The following CHD9 variants were observed in gnomAD, a reference collection of about 807,000 sequenced individuals.
CHD9 encodes ATP-dependent chromatin remodeler CHD9.
CHD9 carries 77 observed loss-of-function variants against 316.1 expected under a neutral mutation model. The ratio of observed to expected loss-of-function variants is 0.24; its 90% CI spans 0.20 to 0.29. The LOEUF is 0.29. Ranked by LOEUF, CHD9 falls within the 10% of genes least tolerant of loss-of-function variation. CHD9 has a pLI of 1.00. For synonymous variants in CHD9, 1,129 were observed against 1,158.3 expected, an observed-to-expected ratio of 0.97 and a Z score of 0.51; for missense variants, 2,763 against 3,438.1, an observed-to-expected ratio of 0.80 and a Z score of 4.91.
chr16:53,057,054 T>G (rs1009974597), intron 1 of CHD9, among the ~76,000 whole-genome samples: 1 of 152,192 alleles, frequency 6.6e-6, no homozygotes, highest in Non-Finnish European at 1.5e-5. Flanking sequence ...CTCATGCATA[T>G]AATCCCAGTA....
chr16:53,269,347 G>A (rs2051999909), intron 22 of CHD9, among the ~76,000 whole-genome samples: 1 of 152,036 alleles, frequency 6.6e-6, no homozygotes, highest in Admixed American at 6.6e-5. Context: ...CTGTTGAATG[G>A]CTGGTGTGTG....
intron 1 of CHD9, among the ~76,000 whole-genome samples, chr16:53,059,719 T>C (rs1037553943): frequency 6.6e-6 from 1 of 152,230 alleles, no homozygotes; most frequent in African/African-American, 2.4e-5. Context: ...GCAAACTTTT[T>C]CTGTAAAGGT....
rs998351330 is a variant in CHD9 at position 53,313,716 on chromosome 16, C to T, written c.7223-661C>T. Reference sequence around the variant, plus strand: ...TCCTAGCACTTTGGGAGGCCGAGGCCGAGGCCGGTGGATCACAAGGTCAGG... The same window carrying T: ...TCCTAGCACTTTGGGAGGCCGAGGCTGAGGCCGGTGGATCACAAGGTCAGG... On this transcript the variant is annotated intron_variant, in intron 34 of 38. Transcript: ENST00000447540. Among the ~76,000 whole-genome samples the T allele has an allele frequency of 9.2e-5, 14 of 151,750 alleles. No homozygotes were observed. In the East Asian group the frequency reaches 2.6e-3, roughly 28 times the overall value.
chr16:53,203,837 C>T (rs1302566555), intron 2 of CHD9, among the ~76,000 whole-genome samples: 1 of 151,568 alleles, frequency 6.6e-6, no homozygotes, highest in African/African-American at 2.4e-5. Context: ...TCCTGGCTAA[C>T]ATGGTGAAAC....
intron 2 of CHD9, 80 bp from the exon 3 acceptor site, chr16:53,209,402 T>A: frequency 9.8e-7 from 1 of 1,015,332 alleles, no homozygotes; most frequent in Non-Finnish European, 1.4e-6. Flanking sequence ...CTAAACATAA[T>A]TTAAGATTTT....
intron 2 of CHD9, among the ~76,000 whole-genome samples, chr16:53,189,937 A>G (rs1192823332): frequency 6.6e-6 from 1 of 152,114 alleles, no homozygotes; most frequent in Non-Finnish European, 1.5e-5. Context: ...TTTTGCATCT[A>G]TATTATGGGG....
intron 20 of CHD9, among the ~76,000 whole-genome samples, chr16:53,264,697 C>A (rs1009924148): frequency 1.3e-5 from 2 of 152,064 alleles, no homozygotes; most frequent in Admixed American, 1.3e-4. Flanking sequence ...GTGAAGTGAT[C>A]AAGGGAGGTC....
At chr16:53,072,941 C>T (rs151145342) in intron 1 of CHD9, among the ~76,000 whole-genome samples, 2,518 of 152,184 alleles carry the variant, frequency 0.017, 71 homozygotes, top group East Asian at 0.11. Context: ...GTGATCCACC[C>T]GCCTCGGTCT....
chr16:53,284,262 T>C (rs1489942694), intron 24 of CHD9, among the ~76,000 whole-genome samples: 1 of 152,062 alleles, frequency 6.6e-6, no homozygotes, highest in Admixed American at 6.5e-5. Context: ...GAATACCAAA[T>C]AGAGAAATTC....
rs144185167 is a variant in CHD9, at chr16:53,219,814, G to T, written c.1785-2830G>T. 2.4e-4 allele frequency among the ~76,000 whole-genome samples: 37 copies of T among 152,240 alleles called. No individual in the cohort carries two copies. In the East Asian group the frequency reaches 5.6e-3, roughly 23 times the overall value. On this transcript the variant is annotated intron_variant, in intron 3 of 38. Transcript: ENST00000447540. ...CTCAATTTCTTCTTATAAAATAATA[G>T]TACTTCCCTTTTAAAATTGTATGAA...
intron 17 of CHD9, among the ~76,000 whole-genome samples, chr16:53,252,721 T>G (rs561601749): frequency 6.8e-6 from 1 of 146,194 alleles, no homozygotes; most frequent in African/African-American, 2.5e-5. Context: ...AACAGTTCCA[T>G]CAAAAAGTGG....
At chr16:53,209,061 A>G (rs2046121150) in intron 2 of CHD9, among the ~76,000 whole-genome samples, 1 of 152,172 alleles carries the variant, frequency 6.6e-6, no homozygotes, top group Non-Finnish European at 1.5e-5. Flanking sequence ...TAAAAGCCAT[A>G]ATAAACTGTA....
In CHD9 at chr16:53,156,313, A is replaced by G. The variant is rs1212395708; in HGVS notation, c.224A>G (p.Asp75Gly). ...GATTTTGAACAGTTAAATCAATTTG[A>G]TTCAATAAAATTTCACCATGTTAAT... ...MTDFEQLNQF[D>G]SIKFHHVNQS... The change falls in exon 2 of 39, where the codon GAT becomes GGT. Residue 75 changes from aspartate to glycine, a missense_variant. By Grantham distance (94) the Asp-to-Gly change is moderately conservative. Coordinates refer to ENST00000447540, the MANE Select transcript of CHD9 (RefSeq NM_001308319.2). The G allele has an allele frequency of 6.2e-7, 1 of 1,613,868 alleles. No individual in the cohort carries two copies. Among genetic ancestry groups the G allele is most frequent in the Non-Finnish European group, 8.5e-7 (1 of 1,179,882 alleles).
intron 1 of CHD9, among the ~76,000 whole-genome samples, chr16:53,140,578 A>G (rs1450285343): frequency 2.0e-5 from 3 of 152,132 alleles, no homozygotes; most frequent in Non-Finnish European, 4.4e-5. Flanking sequence ...AGTTTTTATC[A>G]TGATTAGAGA....
chr16:53,146,986 A>T (rs982853173), intron 1 of CHD9, among the ~76,000 whole-genome samples: 1 of 152,068 alleles, frequency 6.6e-6, no homozygotes, highest in African/African-American at 2.4e-5. Context: ...CCACCAAAAA[A>T]GTTTGTCATT....
At chr16:53,191,037 G>A (rs116871422) in intron 2 of CHD9, among the ~76,000 whole-genome samples, 45 of 152,000 alleles carry the variant, frequency 3.0e-4, no homozygotes, top group East Asian at 1.9e-3. Flanking sequence ...AATCATTACC[G>A]CAATTAAGAT....
At chr16:53,227,310 TGTA>T in intron 5 of CHD9, 83 bp from the exon 6 acceptor site, 2 of 769,120 alleles carry the variant, frequency 2.6e-6, no homozygotes. Flanking sequence ...TTTGTTGAAT[TGTA>T]GTATGTTCAT....
chr16:53,285,035 G>A (rs946048309), intron 24 of CHD9, among the ~76,000 whole-genome samples: 6 of 152,232 alleles, frequency 3.9e-5, no homozygotes, highest in African/African-American at 1.4e-4. Context: ...CTAAAGTGTT[G>A]GGATTACATA....
chr16:53,101,333 G>T (rs1403337480), intron 1 of CHD9, among the ~76,000 whole-genome samples: 1 of 141,222 alleles, frequency 7.1e-6, no homozygotes, highest in East Asian at 2.0e-4. Context: ...GGAGTGCATC[G>T]GTGCAATCAC....
Sources: gnomAD v4.1 joint callset for allele counts (sites outside exome capture counted in the v4.1 genomes callset) on GRCh38, gnomAD v4.1.1 for gene constraint, MANE v1.5 for transcripts, NCBI Gene and HGNC (gene_info 2026-07-23, HGNC 2026-07-21) for gene names.